EPHA6: variants seen among roughly 807,000 people sequenced by gnomAD.
EPHA6 encodes the protein ephrin type-A receptor 6.
A neutral mutation model predicts 112.0 loss-of-function variants in EPHA6; 50 were observed. The ratio of observed to expected loss-of-function variants is 0.45; its 90% CI spans 0.36 to 0.56. The LOEUF (loss-of-function observed/expected upper bound fraction) is 0.56. Among genes scored for constraint, EPHA6 ranks in the 20% least tolerant of loss-of-function variants. The pLI, the probability that EPHA6 is intolerant of heterozygous loss-of-function variation, is 0.00. For missense variants in EPHA6, 1,280 were observed against 1,417.4 expected, an observed-to-expected ratio of 0.90 and a Z score of 1.56; for synonymous variants, 529 against 490.7, an observed-to-expected ratio of 1.08 and a Z score of -1.03.
intron 3 of EPHA6, among the ~76,000 whole-genome samples, chr3:97,080,196 G>A (rs1462804212): frequency 6.6e-6 from 1 of 152,036 alleles, no homozygotes. Flanking sequence ...TGCACTTACC[G>A]AAATAATGTA....
chr3:96,958,871 T>C (rs1015444433), intron 2 of EPHA6, among the ~76,000 whole-genome samples: 3 of 152,256 alleles, frequency 2.0e-5, no homozygotes, highest in African/African-American at 7.2e-5. Flanking sequence ...CCGAATACTA[T>C]TCAATTGTAT....
At chr3:97,300,233 G>A (rs968808021) in intron 5 of EPHA6, among the ~76,000 whole-genome samples, 2 of 152,064 alleles carry the variant, frequency 1.3e-5, no homozygotes, top group African/African-American at 4.8e-5. Flanking sequence ...CAGATCTTCA[G>A]TTGTCTTAAA....
chr3:97,237,825 A>T (rs948220365), intron 4 of EPHA6, among the ~76,000 whole-genome samples: 7 of 151,956 alleles, frequency 4.6e-5, no homozygotes. Flanking sequence ...TATGTCAGTG[A>T]GCATGATTTT....
intron 6 of EPHA6, among the ~76,000 whole-genome samples, chr3:97,422,140 A>G (rs1410571291): frequency 2.5e-5 from 3 of 119,648 alleles, no homozygotes; most frequent in African/African-American, 1.9e-4. Context: ...AGTCTCTCAA[A>G]AAAAAAAAAA....
At chr3:97,716,168 G>C (rs1435317480) in intron 14 of EPHA6, among the ~76,000 whole-genome samples, 1 of 152,190 alleles carries the variant, frequency 6.6e-6, no homozygotes, top group Non-Finnish European at 1.5e-5. Context: ...AAGAAAAAAA[G>C]TACCTTAGTG....
intron 11 of EPHA6, among the ~76,000 whole-genome samples, chr3:97,589,712 A>C (rs2093525671): frequency 6.6e-6 from 1 of 152,166 alleles, no homozygotes; most frequent in Non-Finnish European, 1.5e-5. Flanking sequence ...TTGTATGTGA[A>C]ATGACACATT....
At chr3:96,959,194 AG>A (rs574571601) in intron 2 of EPHA6, among the ~76,000 whole-genome samples, 1 of 152,170 alleles carries the variant, frequency 6.6e-6, no homozygotes, top group Non-Finnish European at 1.5e-5. Context: ...GTTTGTTTGT[AG>A]GCATCCTAGT....
In EPHA6 at chr3:97,405,392, C is replaced by A. The variant is rs1295601802; in HGVS notation, c.1731+118C>A. ...AAACCCTGTTCTTCTTTGGCCTAGC[C>A]TCATACCTTCTGTTTCTTTGAATCC... On this transcript the variant is annotated intron_variant, in intron 6 of 17. Coordinates refer to ENST00000389672, the MANE Select transcript of EPHA6 (RefSeq NM_001080448.3). 7 of 785,124 alleles carry A rather than the reference C, an allele frequency of 8.9e-6. No individual in the cohort carries two copies. The East Asian group carries it at 1.4e-4, about 16-fold the overall frequency. The allele number at this position is 785,124 out of a possible 1,614,324, so 48.6% of individuals were successfully genotyped here. A position where few individuals can be genotyped will look rare whatever the true frequency, so the allele number is the denominator to read the frequency against.
intron 14 of EPHA6, among the ~76,000 whole-genome samples, chr3:97,695,602 G>A (rs928151513): frequency 3.9e-5 from 6 of 152,214 alleles, no homozygotes; most frequent in African/African-American, 2.4e-5. Context: ...ATGCAGTGGC[G>A]CCATCTCAGC....
At chr3:97,215,858 A>G (rs1421618009) in intron 3 of EPHA6, among the ~76,000 whole-genome samples, 4 of 152,186 alleles carry the variant, frequency 2.6e-5, no homozygotes, top group Admixed American at 1.3e-4. Flanking sequence ...ACTTCCTCCA[A>G]TTATATGATC....
intron 6 of EPHA6, among the ~76,000 whole-genome samples, chr3:97,446,199 A>G (rs1273262842): frequency 6.6e-6 from 1 of 152,134 alleles, no homozygotes; most frequent in African/African-American, 2.4e-5. Context: ...TGTACTGTGA[A>G]GAATTCTTGT....
Position 97,652,352 on chromosome 3 carries a change from C to A in EPHA6, c.2784+14270C>A, listed in dbSNP as rs143502709. Among the ~76,000 whole-genome samples, 4 of 152,112 alleles carry A rather than the reference C, an allele frequency of 2.6e-5. No homozygotes were observed. The East Asian group carries it at 7.8e-4, about 30-fold the overall frequency. On this transcript the variant is annotated intron_variant, in intron 14 of 17. Transcript: ENST00000389672. ...TACCGGTTATTTATGCTGTTTGCAA[C>A]AGACCCTATTGGCTGCCCATTCAAC...
At chr3:96,946,347 C>T (rs909891383) in intron 2 of EPHA6, among the ~76,000 whole-genome samples, 8 of 151,870 alleles carry the variant, frequency 5.3e-5, no homozygotes, top group African/African-American at 1.9e-4. Context: ...ACGACAGGCC[C>T]CGGTGTGTGA....
intron 8 of EPHA6, among the ~76,000 whole-genome samples, chr3:97,475,860 G>A (rs1015811920): frequency 6.6e-6 from 1 of 151,722 alleles, no homozygotes; most frequent in Non-Finnish European, 1.5e-5. Context: ...TATTGAAACT[G>A]TCTATGTTAG....
intron 1 of EPHA6, among the ~76,000 whole-genome samples, chr3:96,827,893 AG>A (rs2107256538): frequency 6.6e-6 from 1 of 152,246 alleles, no homozygotes; most frequent in East Asian, 1.9e-4. Context: ...CAGAAGAATA[AG>A]GAAAGAAGGC....
intron 3 of EPHA6, among the ~76,000 whole-genome samples, chr3:97,213,961 C>T (rs1265992960): frequency 2.0e-5 from 3 of 149,704 alleles, no homozygotes; most frequent in Non-Finnish European, 4.4e-5. Flanking sequence ...ACCAGTACTC[C>T]TTTACATACA....
chr3:97,064,400 G>A (rs1310874590), intron 3 of EPHA6, among the ~76,000 whole-genome samples: 1 of 152,178 alleles, frequency 6.6e-6, no homozygotes, highest in East Asian at 1.9e-4. Flanking sequence ...GCTCTAAAGA[G>A]CCAACTTCTC....
chr3:97,173,020 G>A (rs2076741530), intron 3 of EPHA6, among the ~76,000 whole-genome samples: 1 of 151,810 alleles, frequency 6.6e-6, no homozygotes, highest in Non-Finnish European at 1.5e-5. Flanking sequence ...GTGATTTTAT[G>A]CTTTAGTTGA....
rs1380737682 is a variant in EPHA6 at position 97,748,570 on chromosome 3, T to C, written c.3279-17T>C. ...CTCTCACTCTCGCTCTCACTCTTGC[T>C]CTCTCCTTTCTTTCAGTGACATTAG... On this transcript the variant is annotated splice_polypyrimidine_tract_variant and intron_variant, in intron 17 of 17. Coordinates refer to ENST00000389672, the MANE Select transcript of EPHA6 (RefSeq NM_001080448.3). 1.3e-5 allele frequency: 18 copies of C among 1,344,466 alleles called. No individual in the cohort carries two copies. The highest frequency in any genetic ancestry group is 6.8e-5 in the Admixed American group (4 of 58,504). The allele number at this position is 1,344,466 out of a possible 1,614,324, so 83.3% of individuals were successfully genotyped here.
Sources: gnomAD v4.1 joint callset for allele counts (sites outside exome capture counted in the v4.1 genomes callset) on GRCh38, gnomAD v4.1.1 for gene constraint, MANE v1.5 for transcripts, NCBI Gene and HGNC (gene_info 2026-07-23, HGNC 2026-07-21) for gene names.